The following MAPK4 variants were observed in gnomAD, a reference collection of about 807,000 sequenced individuals.
The protein encoded by MAPK4 is Erk3-related.
Under a neutral mutation model 47.7 loss-of-function variants are expected in MAPK4, and 22 were observed. The observed-to-expected ratio is 0.46, with a 90% CI of 0.33 to 0.66. The LOEUF (loss-of-function observed/expected upper bound fraction) is 0.66, where lower values mean the gene tolerates loss of function less well. Ranked by LOEUF, MAPK4 falls within the 30% of genes least tolerant of loss-of-function variation. The pLI, the probability that MAPK4 is intolerant of heterozygous loss-of-function variation, is 0.02. For missense variants in MAPK4, 736 were observed against 831.7 expected (o/e 0.88, Z 1.42); for synonymous variants, 390 against 365.7 (o/e 1.07, Z -0.76).
At chr18:50,601,333 CAAAAAAAA>C (rs35148592) in intron 1 of MAPK4, among the ~76,000 whole-genome samples, 2 of 53,194 alleles carry the variant, frequency 3.8e-5, no homozygotes, top group African/African-American at 1.2e-4. Flanking sequence ...GACTCTATGT[CAAAAAAAA>C]AAAAAAAAAA....
At chr18:50,562,940 G>T (rs532570942) in intron 1 of MAPK4, among the ~76,000 whole-genome samples, 1 of 152,122 alleles carries the variant, frequency 6.6e-6, no homozygotes, top group Admixed American at 6.5e-5. Context: ...AACTCTCTAC[G>T]TGCCTTGTAT....
chr18:50,645,679 A>T (rs908970317), intron 1 of MAPK4, among the ~76,000 whole-genome samples: 8 of 152,168 alleles, frequency 5.3e-5, no homozygotes, highest in African/African-American at 1.9e-4. Flanking sequence ...TGTGTCACTC[A>T]TTACACGGGC....
intron 1 of MAPK4, among the ~76,000 whole-genome samples, chr18:50,661,765 C>T (rs2043174260): frequency 6.6e-6 from 1 of 152,212 alleles, no homozygotes; most frequent in African/African-American, 2.4e-5. Flanking sequence ...GATTTCTTCC[C>T]AATCTGAAAT....
rs771831359 is a variant in MAPK4 at position 50,729,205 on chromosome 18, G to A, written c.1115G>A (p.Cys372Tyr). The A allele has an allele frequency of 6.3e-7, 1 of 1,597,604 alleles. No individual in the cohort carries two copies. The highest frequency in any genetic ancestry group is 2.3e-5 in the East Asian group (1 of 44,372). ...SSDLEWRPDR[C>Y]QDASEVQRDP... ...GACCTGGAGTGGCGGCCTGACCGGTGCCAGGACGCCAGCGAGGTACAGCGC... is the reference window on the plus strand; with the variant it reads ...GACCTGGAGTGGCGGCCTGACCGGTACCAGGACGCCAGCGAGGTACAGCGC... Residue 372 changes from cysteine (C) to tyrosine (Y), a missense_variant, in exon 6 of 6, where the codon TGC (cysteine) becomes TAC (tyrosine). By Grantham distance (194) the Cys-to-Tyr change is radical (BLOSUM62 -2). Coordinates refer to ENST00000400384, the MANE Select transcript of MAPK4 (RefSeq NM_002747.4).
intron 1 of MAPK4, among the ~76,000 whole-genome samples, chr18:50,624,951 G>C (rs568511010): frequency 2.6e-5 from 4 of 152,070 alleles, no homozygotes; most frequent in African/African-American, 9.7e-5. Context: ...TCTAAGCTTT[G>C]TCAAAACACA....
At position 50,721,649 on chromosome 18, in the gene MAPK4, C is replaced by G. The variant is rs564997355; in HGVS notation, c.692-289C>G. On this transcript the variant is annotated intron_variant, in intron 3 of 5. Coordinates refer to ENST00000400384, the MANE Select transcript of MAPK4 (RefSeq NM_002747.4). ...GCCAGGCTGTTCCCATTCTTTAGTG[C>G]TGACTTATATCCAGCTGGTCTGAGA... Among the ~76,000 whole-genome samples, 49 of 152,330 alleles carry G rather than the reference C, an allele frequency of 3.2e-4. No homozygotes were observed. The South Asian group carries it at 9.3e-3, about 29-fold the overall frequency.
At chr18:50,635,241 C>G (rs1192102005) in intron 1 of MAPK4, among the ~76,000 whole-genome samples, 1 of 152,172 alleles carries the variant, frequency 6.6e-6, no homozygotes, top group Non-Finnish European at 1.5e-5. Context: ...GAGCCCGTCT[C>G]TCTTCCAAGT....
At chr18:50,572,820 C>A (rs903778018) in intron 1 of MAPK4, among the ~76,000 whole-genome samples, 3 of 152,166 alleles carry the variant, frequency 2.0e-5, no homozygotes, top group African/African-American at 7.2e-5. Flanking sequence ...TTCTCTTCCA[C>A]CTCTGCTATT....
Position 50,615,204 on chromosome 18 carries a change from G to C in MAPK4, c.-870-47885G>C, listed in dbSNP as rs146246099. ...ATGTGTTCTTTCATAATTGTGTTGG[G>C]GGGGGAGATCCAGGGCTTCCTGATG... On this transcript the variant is annotated intron_variant, in intron 1 of 5. Coordinates refer to ENST00000400384, the MANE Select transcript of MAPK4 (RefSeq NM_002747.4). Among the ~76,000 whole-genome samples, 787 of 152,264 alleles carry C rather than the reference G, an allele frequency of 5.2e-3. 3 individuals carry two copies. Among genetic ancestry groups the C allele is most frequent in the African/African-American group, 0.016 (662 of 41,526 alleles).
intron 1 of MAPK4, among the ~76,000 whole-genome samples, 183 bp from the exon 2 acceptor site, chr18:50,662,906 G>T (rs1362124027): frequency 6.6e-6 from 1 of 152,248 alleles, no homozygotes; most frequent in Non-Finnish European, 1.5e-5. Flanking sequence ...GTCTCTTCCA[G>T]GGGAGTGCTA....
chr18:50,594,213 A>G (rs1285149832), intron 1 of MAPK4, among the ~76,000 whole-genome samples: 1 of 152,168 alleles, frequency 6.6e-6, no homozygotes, highest in African/African-American at 2.4e-5. Context: ...CTGGCAGCCA[A>G]TTGCATGGTG....
At chr18:50,561,078 C>A (rs1284223079) in intron 1 of MAPK4, among the ~76,000 whole-genome samples, 2 of 152,220 alleles carry the variant, frequency 1.3e-5, no homozygotes, top group African/African-American at 2.4e-5. Flanking sequence ...GCGGCTGTTT[C>A]CCGCCCCTGG....
In MAPK4 at chr18:50,561,140, C is replaced by T. The variant is rs1418430837; in HGVS notation, c.-871+897C>T. 2.0e-5 allele frequency among the ~76,000 whole-genome samples: 3 copies of T among 152,228 alleles called. No individual in the cohort carries two copies. The East Asian group carries it at 5.8e-4, about 29-fold the overall frequency. Reference sequence around the variant, plus strand: ...CGATACCCTGGAGCCAGCAGTGGGTCAGCAGCGTCCCGACAGAGCGCAGCG... The same window carrying T: ...CGATACCCTGGAGCCAGCAGTGGGTTAGCAGCGTCCCGACAGAGCGCAGCG... On this transcript the variant is annotated intron_variant, in intron 1 of 5. Coordinates refer to ENST00000400384, the MANE Select transcript of MAPK4 (RefSeq NM_002747.4).
At chr18:50,610,349 A>G (rs866194322) in intron 1 of MAPK4, among the ~76,000 whole-genome samples, 11 of 152,242 alleles carry the variant, frequency 7.2e-5, no homozygotes, top group African/African-American at 2.7e-4. Context: ...AGGGCCTCCC[A>G]GAGCAGAGGC....
At chr18:50,601,112 A>AAAG (rs79277976) in intron 1 of MAPK4, among the ~76,000 whole-genome samples, 2 of 147,736 alleles carry the variant, frequency 1.4e-5, no homozygotes, top group African/African-American at 4.9e-5. Context: ...AAAAAAAAAA[A>AAAG]AAGAAGAAGA....
chr18:50,612,473 T>G (rs1419824894), intron 1 of MAPK4, among the ~76,000 whole-genome samples: 1 of 152,144 alleles, frequency 6.6e-6, no homozygotes, highest in Non-Finnish European at 1.5e-5. Flanking sequence ...GAGAAAGATT[T>G]CAGGTGGATA....
At chr18:50,646,813 A>G (rs2042993811) in intron 1 of MAPK4, among the ~76,000 whole-genome samples, 1 of 151,842 alleles carries the variant, frequency 6.6e-6, no homozygotes, top group Admixed American at 6.6e-5. Flanking sequence ...CCAGCAACAG[A>G]CTTCTCGAGG....
chr18:50,609,353 C>T (rs187037155), intron 1 of MAPK4, among the ~76,000 whole-genome samples: 42 of 151,244 alleles, frequency 2.8e-4, no homozygotes, highest in African/African-American at 9.7e-4. Flanking sequence ...AGGCGCCCCC[C>T]ACCTCCCAGA....
intron 1 of MAPK4, among the ~76,000 whole-genome samples, chr18:50,651,283 C>T (rs1180014643): frequency 6.6e-6 from 1 of 152,158 alleles, no homozygotes; most frequent in Non-Finnish European, 1.5e-5. Context: ...GGTGGAGCCT[C>T]ATGCCTTGTC....
Sources: gnomAD v4.1 joint callset for allele counts (sites outside exome capture counted in the v4.1 genomes callset) on GRCh38, gnomAD v4.1.1 for gene constraint, MANE v1.5 for transcripts, NCBI Gene and HGNC (gene_info 2026-07-23, HGNC 2026-07-21) for gene names.